ZHX2: variants seen among roughly 807,000 people sequenced by gnomAD.
ZHX2 encodes the protein zinc fingers and homeoboxes protein 2.
Under a neutral mutation model 21.9 loss-of-function variants are expected in ZHX2, and 6 were observed. The ratio of observed to expected loss-of-function variants is 0.27; its 90% confidence interval spans 0.15 to 0.54. The LOEUF (loss-of-function observed/expected upper bound fraction) is 0.54. Among genes scored for constraint, ZHX2 ranks in the 20% least tolerant of loss-of-function variants. The pLI is 0.95. For synonymous variants in ZHX2, 434 were observed against 437.1 expected (o/e 0.99, Z 0.09); for missense variants, 908 against 1,090.7 (o/e 0.83, Z 2.36).
chr8:122,808,328 C>G (rs545714561), intron 1 of ZHX2, among the ~76,000 whole-genome samples: 6 of 152,232 alleles, frequency 3.9e-5, no homozygotes, highest in African/African-American at 1.4e-4. Flanking sequence ...GTTTAATTGA[C>G]TCACAGTTTA....
intron 2 of ZHX2, among the ~76,000 whole-genome samples, chr8:122,935,891 T>TA (rs1270931202): frequency 6.6e-6 from 1 of 152,140 alleles, no homozygotes; most frequent in Non-Finnish European, 1.5e-5. Flanking sequence ...GCATAGCACT[T>TA]ACCACTCTAA....
At chr8:122,914,850 G>C (rs554393409) in intron 2 of ZHX2, among the ~76,000 whole-genome samples, 1 of 152,250 alleles carries the variant, frequency 6.6e-6, no homozygotes, top group East Asian at 1.9e-4. Flanking sequence ...GCTTGGGGTG[G>C]CATGTCTCAC....
Position 122,891,116 on chromosome 8 carries a change from T to A in ZHX2, c.-220+27577T>A, listed in dbSNP as rs59794858. Among the ~76,000 whole-genome samples the A allele has an allele frequency of 9.2e-5, 14 of 152,214 alleles. No homozygotes were observed. The South Asian group carries it at 2.9e-3, about 32-fold the overall frequency. On this transcript the variant is annotated intron_variant, in intron 2 of 3. Coordinates refer to ENST00000314393, the MANE Select transcript of ZHX2 (RefSeq NM_014943.5). ...ATTTTTTGGACTAGTTTGAGAAGAATTGGTGTTAGTTCTTCTTTAACAGTT... is the reference window on the plus strand; with the variant it reads ...ATTTTTTGGACTAGTTTGAGAAGAAATGGTGTTAGTTCTTCTTTAACAGTT...
In ZHX2 at chr8:122,951,755, A is replaced by T; in HGVS notation, c.245A>T (p.Tyr82Phe). 1 of 1,614,166 alleles carries T rather than the reference A, an allele frequency of 6.2e-7. No individual in the cohort carries two copies. The highest frequency in any genetic ancestry group is 8.5e-7 in the Non-Finnish European group (1 of 1,180,034). Reference sequence around the variant, plus strand: ...CTCCAAGGTGGTTATGAGTGCAAATACTGCCCCTACTCCACGCAAAACCTG... The same window carrying T: ...CTCCAAGGTGGTTATGAGTGCAAATTCTGCCCCTACTCCACGCAAAACCTG... Reference protein sequence around the residue: ...KKLQGGYECKYCPYSTQNLNE... With the variant: ...KKLQGGYECKFCPYSTQNLNE... Residue 82 changes from tyrosine to phenylalanine, a missense_variant, in exon 3 of 4, where the codon TAC becomes TTC. By Grantham distance (22) the Tyr-to-Phe change is conservative. This residue lies in a region of ZHX2 where 220 missense variants were observed against 251.4 expected (regional missense o/e 0.88). Transcript: ENST00000314393.
intron 1 of ZHX2, among the ~76,000 whole-genome samples, chr8:122,843,429 G>T (rs548713226): frequency 6.6e-6 from 1 of 152,206 alleles, no homozygotes; most frequent in Non-Finnish European, 1.5e-5. Context: ...TCAGACAGGG[G>T]TCATTACCCA....
chr8:122,842,361 C>G (rs1818651764), intron 1 of ZHX2, among the ~76,000 whole-genome samples: 1 of 152,216 alleles, frequency 6.6e-6, no homozygotes, highest in Non-Finnish European at 1.5e-5. Flanking sequence ...AGCAAATTCT[C>G]CCAACAAACT....
chr8:122,846,393 G>A (rs1048529003), intron 1 of ZHX2, among the ~76,000 whole-genome samples: 1 of 152,190 alleles, frequency 6.6e-6, no homozygotes, highest in Non-Finnish European at 1.5e-5. Flanking sequence ...AACTGAGTGA[G>A]CTAGAATGCT....
intron 2 of ZHX2, among the ~76,000 whole-genome samples, chr8:122,890,779 C>T (rs1228241141): frequency 6.6e-6 from 1 of 152,086 alleles, no homozygotes; most frequent in Non-Finnish European, 1.5e-5. Flanking sequence ...TATATGGAAA[C>T]ACTACTTTTT....
chr8:122,879,985 T>TG (rs1819668621), intron 2 of ZHX2, among the ~76,000 whole-genome samples: 1 of 150,726 alleles, frequency 6.6e-6, no homozygotes, highest in African/African-American at 2.4e-5. Context: ...TTTTTTTTTT[T>TG]TTTTTTAGAT....
chr8:122,838,394 A>G (rs1291574334), intron 1 of ZHX2, among the ~76,000 whole-genome samples: 2 of 152,176 alleles, frequency 1.3e-5, no homozygotes, highest in Non-Finnish European at 2.9e-5. Flanking sequence ...TATTTCTCCA[A>G]AAAGAAGTAA....
At chr8:122,855,843 A>T (rs1311792041) in intron 1 of ZHX2, among the ~76,000 whole-genome samples, 1 of 152,224 alleles carries the variant, frequency 6.6e-6, no homozygotes, top group Admixed American at 6.5e-5. Flanking sequence ...CATGTTGTAC[A>T]CAGGAAGATC....
intron 3 of ZHX2, among the ~76,000 whole-genome samples, chr8:122,972,724 G>A (rs954303899): frequency 2.6e-5 from 4 of 152,204 alleles, no homozygotes; most frequent in East Asian, 3.9e-4. Flanking sequence ...GTACATCAAC[G>A]CATGGCATCA....
At chr8:122,933,268 C>T (rs1268292599) in intron 2 of ZHX2, among the ~76,000 whole-genome samples, 3 of 152,100 alleles carry the variant, frequency 2.0e-5, no homozygotes, top group African/African-American at 4.8e-5. Flanking sequence ...CAAGAATTGT[C>T]GATATTATAA....
At chr8:122,820,547 G>A (rs78981857) in intron 1 of ZHX2, among the ~76,000 whole-genome samples, 46 of 152,226 alleles carry the variant, frequency 3.0e-4, no homozygotes, top group African/African-American at 1.1e-3. Context: ...ACAAGGGAGC[G>A]GGAGCGGGGG....
intron 3 of ZHX2, among the ~76,000 whole-genome samples, chr8:122,959,521 C>T (rs73335730): frequency 0.016 from 2,389 of 152,256 alleles, 52 homozygotes; most frequent in African/African-American, 0.054. Flanking sequence ...ATCTCTGAAT[C>T]CCTAGTTTAG....
At chr8:122,895,552 T>G (rs1205627972) in intron 2 of ZHX2, among the ~76,000 whole-genome samples, 1 of 152,216 alleles carries the variant, frequency 6.6e-6, no homozygotes, top group African/African-American at 2.4e-5. Context: ...TTTTTTCTGC[T>G]CTTTTTGTTG....
intron 2 of ZHX2, among the ~76,000 whole-genome samples, chr8:122,884,981 T>C (rs1819805590): frequency 6.6e-6 from 1 of 152,206 alleles, no homozygotes; most frequent in African/African-American, 2.4e-5. Flanking sequence ...TTAGATATTG[T>C]GCTGGGTCAG....
intron 2 of ZHX2, among the ~76,000 whole-genome samples, chr8:122,922,497 CTG>C (rs1419488282): frequency 6.6e-6 from 1 of 152,190 alleles, no homozygotes; most frequent in Non-Finnish European, 1.5e-5. Flanking sequence ...CTCTGAGAAA[CTG>C]TTAGGTCTCA....
chr8:122,944,626 C>T (rs1051796773), intron 2 of ZHX2, among the ~76,000 whole-genome samples: 7 of 152,132 alleles, frequency 4.6e-5, no homozygotes, highest in South Asian at 2.1e-4. Flanking sequence ...GAGCTCTCCA[C>T]GAGCCGCAAT....
Sources: allele counts gnomAD v4.1 joint callset (sites outside exome capture counted in the v4.1 genomes callset), GRCh38; gene constraint gnomAD v4.1.1; regional missense constraint gnomAD v4.1.1; transcripts MANE v1.5; gene names NCBI Gene and HGNC (gene_info 2026-07-23, HGNC 2026-07-21).